Variants in FAT3 observed in about 807,000 individuals in gnomAD.
FAT3 encodes protocadherin Fat 3.
Under a neutral mutation model 310.2 loss-of-function variants are expected in FAT3, and 95 were observed. That is an observed-to-expected ratio of 0.31 (90% CI 0.26 to 0.36). The LOEUF (loss-of-function observed/expected upper bound fraction) is 0.36. FAT3 is among the 10% of genes least tolerant of loss of function. The pLI, the probability that FAT3 is intolerant of heterozygous loss-of-function variation, is 1.00. For synonymous variants in FAT3, 2,314 were observed against 2,192.9 expected (o/e 1.06, Z -1.54); for missense variants, 5,408 against 5,715.6 (o/e 0.95, Z 1.74).
rs1946996926 is a variant in FAT3, at chr11:92,790,080, C to A, written c.4473C>A (p.His1491Gln). Residue 1491 changes from histidine (H) to glutamine (Q), a missense_variant, in exon 8 of 28, where the codon CAC (histidine) becomes CAA (glutamine). Physicochemically the swap from His to Gln is conservative, Grantham distance 24. This residue lies in a region of FAT3 where 4,588 missense variants were observed against 4,809.8 expected (regional missense o/e 0.95). Transcript: ENST00000525166. ...QIEATDRDEK[H>Q]KLSYTVHSSI... is the part of the protein sequence containing the mutation. ...AAGCCACAGATAGAGATGAGAAGCA[C>A]AAGCTGAGCTACACTGTTCATAGCA... 1.2e-6 allele frequency: 2 copies of A among 1,613,728 alleles called. No individual in the cohort carries two copies. The highest frequency in any genetic ancestry group is 2.2e-5 in the South Asian group (2 of 91,082).
At position 92,354,961 on chromosome 11, in the gene FAT3, C is replaced by A; in HGVS notation, c.2849C>A (p.Pro950His). The change falls in exon 2 of 28, where the codon CCT (proline) becomes CAT (histidine). Residue 950 changes from proline to histidine, a missense_variant. By Grantham distance (77) the Pro-to-His change is moderately conservative. Coordinates refer to ENST00000525166, the MANE Select transcript of FAT3 (RefSeq NM_001367949.2). ...SYSVKVLEDL[P>H]VGTVIAWLET... ...AGTGTGAAGGTTCTTGAAGATCTCCCTGTTGGCACTGTCATTGCTTGGCTT... is the reference window on the plus strand; with the variant it reads ...AGTGTGAAGGTTCTTGAAGATCTCCATGTTGGCACTGTCATTGCTTGGCTT... The A allele has an allele frequency of 1.9e-6, 3 of 1,613,834 alleles. No homozygotes were observed. Among genetic ancestry groups the A allele is most frequent in the Non-Finnish European group, 8.5e-7 (1 of 1,179,856 alleles).
At chr11:92,452,564 G>A (rs997845944) in intron 2 of FAT3, among the ~76,000 whole-genome samples, 1 of 152,080 alleles carries the variant, frequency 6.6e-6, no homozygotes, top group Non-Finnish European at 1.5e-5. Flanking sequence ...CGCATAGAAA[G>A]GTTGTTAAAG....
At chr11:92,865,382 C>T (rs1250866189) in intron 21 of FAT3, among the ~76,000 whole-genome samples, 2 of 152,200 alleles carry the variant, frequency 1.3e-5, no homozygotes, top group Non-Finnish European at 2.9e-5. Flanking sequence ...CTCTGTACCT[C>T]CTTGGCTGTT....
chr11:92,524,790 A>G lies in FAT3; in HGVS notation c.3449A>G (p.Glu1150Gly). Residue 1150 changes from glutamate to glycine, a missense_variant, in exon 3 of 28, where the codon GAA becomes GGA. By Grantham distance (98) the Glu-to-Gly change is moderately conservative (BLOSUM62 -2). Around this residue, in one of 5 missense-constraint regions of FAT3, gnomAD observed 4,588 missense variants for 4,809.8 expected, o/e 0.95. Coordinates refer to ENST00000525166, the MANE Select transcript of FAT3 (RefSeq NM_001367949.2). The part of the protein sequence containing the change: ...DVNDNAPLTS[E>G]PIYYPVVMEN... ...AATGACAATGCCCCGCTGACCTCAGAACCTATATATTATCCTGTTGTCATG... is the reference window on the plus strand; with the variant it reads ...AATGACAATGCCCCGCTGACCTCAGGACCTATATATTATCCTGTTGTCATG... The G allele has an allele frequency of 1.2e-6, 2 of 1,613,840 alleles. No homozygotes were observed. The highest frequency in any genetic ancestry group is 8.5e-7 in the Non-Finnish European group (1 of 1,179,836).
rs1223452537 is a variant in FAT3 at position 92,883,787 on chromosome 11, T to A, written c.12937+394T>A. On this transcript the variant is annotated intron_variant, in intron 24 of 27. Coordinates refer to ENST00000525166, the MANE Select transcript of FAT3 (RefSeq NM_001367949.2). This position sits in a 1 kb window ranked among gnomAD's most constrained non-coding sequence, Gnocchi z 4.2. ...AATAGTGTGTGTGTGTCTGGGCCTATGTACAAAGTGCAAAAAGCCACTTGA... is the reference window on the plus strand; with the variant it reads ...AATAGTGTGTGTGTGTCTGGGCCTAAGTACAAAGTGCAAAAAGCCACTTGA... 6.6e-6 allele frequency among the ~76,000 whole-genome samples: 1 copy of A among 152,208 alleles called. No homozygotes were observed. Among genetic ancestry groups the A allele is most frequent in the Non-Finnish European group, 1.5e-5 (1 of 68,042 alleles).
intron 3 of FAT3, among the ~76,000 whole-genome samples, chr11:92,635,928 C>A (rs1447243908): frequency 6.6e-6 from 1 of 151,984 alleles, no homozygotes; most frequent in Non-Finnish European, 1.5e-5. Context: ...GTAAGCAGTT[C>A]CTACAAGGTC....
chr11:92,880,530 G>A (rs1355919030), intron 22 of FAT3, among the ~76,000 whole-genome samples: 1 of 151,882 alleles, frequency 6.6e-6, no homozygotes, highest in Admixed American at 6.6e-5. Context: ...GAATTTTTGT[G>A]GGCTAGCAGG....
At chr11:92,871,956 G>A (rs1949404027) in intron 22 of FAT3, among the ~76,000 whole-genome samples, 1 of 151,168 alleles carries the variant, frequency 6.6e-6, no homozygotes, top group African/African-American at 2.4e-5. Context: ...CGGATGCGCA[G>A]CCTGCACTTA....
Position 92,859,299 on chromosome 11 carries a change from G to A in FAT3, c.11635G>A (p.Ala3879Thr). Residue 3879 changes from alanine (A) to threonine (T), a missense_variant, in exon 21 of 28, where the codon GCA becomes ACA. Around this residue, in one of 5 missense-constraint regions of FAT3, gnomAD observed 4,588 missense variants for 4,809.8 expected, o/e 0.95. Coordinates refer to ENST00000525166, the MANE Select transcript of FAT3 (RefSeq NM_001367949.2). ...QSNGIIMYTR[A>T]NPCIILKIVD... ...CAATGGGATTATAATGTACACCAGA[G>A]CAAATCCCTGCATAATTCTGAAGGT... 6.2e-7 allele frequency: 1 copy of A among 1,606,832 alleles called. No homozygotes were observed. Among genetic ancestry groups the A allele is most frequent in the Non-Finnish European group, 8.5e-7 (1 of 1,175,296 alleles).
At chr11:92,527,018 T>C (rs1000982934) in intron 3 of FAT3, among the ~76,000 whole-genome samples, 2 of 152,218 alleles carry the variant, frequency 1.3e-5, no homozygotes, top group Admixed American at 6.5e-5. Flanking sequence ...CCCAAACTTA[T>C]ATGAACTTAA....
chr11:92,369,020 A>G (rs1379061162), intron 2 of FAT3, among the ~76,000 whole-genome samples: 1 of 152,056 alleles, frequency 6.6e-6, no homozygotes, highest in Admixed American at 6.6e-5. Context: ...AAATAATCCC[A>G]CTAAATGAAA....
intron 4 of FAT3, among the ~76,000 whole-genome samples, chr11:92,756,693 A>C (rs1946000131): frequency 6.6e-6 from 1 of 152,214 alleles, no homozygotes; most frequent in East Asian, 1.9e-4. Flanking sequence ...GACAACAAAA[A>C]TAAATTCATC....
intron 2 of FAT3, among the ~76,000 whole-genome samples, chr11:92,462,387 T>C (rs983793109): frequency 2.0e-5 from 3 of 152,170 alleles, no homozygotes; most frequent in African/African-American, 7.2e-5. Flanking sequence ...GTGTACTCGC[T>C]GTTTTGCTCC....
At position 92,524,796 on chromosome 11, in the gene FAT3, T is replaced by C. The variant is rs201524480; in HGVS notation, c.3455T>C (p.Ile1152Thr). 906 of 1,613,716 alleles carry C rather than the reference T, an allele frequency of 5.6e-4. No homozygotes were observed. The highest frequency in any genetic ancestry group is 7.3e-4 in the Non-Finnish European group (858 of 1,179,834). ...NDNAPLTSEP[I>T]YYPVVMENSP... is the part of the protein sequence containing the mutation. ...AATGCCCCGCTGACCTCAGAACCTA[T>C]ATATTATCCTGTTGTCATGGAAAAC... is the stretch of plus-strand genomic sequence containing the variant. Residue 1152 changes from isoleucine (I) to threonine (T), a missense_variant, in exon 3 of 28, where the codon ATA (isoleucine) becomes ACA (threonine). Ile to Thr is a moderately conservative substitution (Grantham distance 89). Coordinates refer to ENST00000525166, the MANE Select transcript of FAT3 (RefSeq NM_001367949.2).
At chr11:92,434,397 A>G (rs1950879129) in intron 2 of FAT3, among the ~76,000 whole-genome samples, 1 of 152,170 alleles carries the variant, frequency 6.6e-6, no homozygotes, top group African/African-American at 2.4e-5. Flanking sequence ...AGTGGTAAAT[A>G]TGCTCTTCAT....
chr11:92,613,125 A>C lies in FAT3; in HGVS notation c.3608-84259A>C, dbSNP rs1940645144. Among the ~76,000 whole-genome samples the C allele has an allele frequency of 2.0e-5, 3 of 152,184 alleles. No individual in the cohort carries two copies. In the South Asian group the frequency reaches 6.2e-4, roughly 31 times the overall value. The stretch of plus-strand genomic sequence containing the variant: ...TCAGAGTTTCCTATAGATCATGTTC[A>C]AGTATTCAATGGGCTCCATATGTGC... On this transcript the variant is annotated intron_variant, in intron 3 of 27. Coordinates refer to ENST00000525166, the MANE Select transcript of FAT3 (RefSeq NM_001367949.2).
chr11:92,507,049 G>T (rs1022695389), intron 2 of FAT3, among the ~76,000 whole-genome samples: 8 of 152,204 alleles, frequency 5.3e-5, no homozygotes, highest in African/African-American at 1.9e-4. Context: ...ATATAGAGGA[G>T]AATTCTTCTG....
chr11:92,879,030 A>G (rs941443911), intron 22 of FAT3, among the ~76,000 whole-genome samples: 1 of 152,006 alleles, frequency 6.6e-6, no homozygotes, highest in Non-Finnish European at 1.5e-5. Flanking sequence ...AGGCAAAAAG[A>G]TCCTCCAAGA....
Position 92,353,198 on chromosome 11 carries a change from C to T in FAT3, c.1086C>T (p.Val362=). Residue 362 remains valine (V), a synonymous_variant, in exon 2 of 28, where the codon GTC becomes GTT. Transcript: ENST00000525166. ...AAAAATGTTCAGCATTAAAGGCAGT[C>T]TACATTGGCAACCCCACAAGAGACA... ...SPQKCSALKA[V]YIGNPTRDTV... 1 of 1,613,738 alleles carries T rather than the reference C, an allele frequency of 6.2e-7. No homozygotes were observed. Among genetic ancestry groups the T allele is most frequent in the Non-Finnish European group, 8.5e-7 (1 of 1,179,864 alleles).
Sources: allele counts gnomAD v4.1 joint callset (sites outside exome capture counted in the v4.1 genomes callset), GRCh38; gene constraint gnomAD v4.1.1; regional missense constraint gnomAD v4.1.1; non-coding constraint Gnocchi (gnomAD v3.1); transcripts MANE v1.5; gene names NCBI Gene and HGNC (gene_info 2026-07-23, HGNC 2026-07-21).